The following FSTL5 variants were observed in gnomAD, a reference collection of about 807,000 sequenced individuals.
FSTL5 encodes the protein follistatin like 5.
A neutral mutation model predicts 89.1 loss-of-function variants in FSTL5; 62 were observed. The ratio of observed to expected loss-of-function variants is 0.70; its 90% CI spans 0.57 to 0.86. The LOEUF is 0.86. Among genes scored for constraint, FSTL5 ranks in the 40% least tolerant of loss-of-function variants. FSTL5 has a pLI of 0.00. For synonymous variants in FSTL5, 383 were observed against 346.2 expected, an observed-to-expected ratio of 1.11 and a Z score of -1.18; for missense variants, 1,057 against 1,001.6, an observed-to-expected ratio of 1.06 and a Z score of -0.75.
At position 161,386,390 on chromosome 4, in the gene FSTL5, A is replaced by T. The variant is rs758454101; in HGVS notation, c.1901T>A (p.Met634Lys). 1 of 1,613,730 alleles carries T rather than the reference A, an allele frequency of 6.2e-7. No individual in the cohort carries two copies. The highest frequency in any genetic ancestry group is 1.3e-5 in the African/African-American group (1 of 75,046). The change falls in exon 16 of 16, where the codon ATG becomes AAG. Residue 634 changes from methionine (M) to lysine (K), a missense_variant. Met to Lys is a moderately conservative substitution (Grantham distance 95). This residue lies in a region of FSTL5 where 980 missense variants were observed against 903.2 expected (regional missense o/e 1.08). Transcript: ENST00000306100. Reference protein sequence around the residue: ...AALQKIDLETMSYIKTINLKD... With the variant: ...AALQKIDLETKSYIKTINLKD... ...CAAGTTAATTGTCTTGATGTATGAC[A>T]TGGTTTCAAGATCAATTTTTTGTAG... is the stretch of plus-strand genomic sequence containing the variant.
intron 3 of FSTL5, among the ~76,000 whole-genome samples, chr4:162,001,926 T>C (rs139908786): frequency 2.0e-5 from 3 of 152,292 alleles, no homozygotes; most frequent in Non-Finnish European, 4.4e-5. Flanking sequence ...CAAAGAGTTA[T>C]ACAGAGAAAA....
intron 5 of FSTL5, among the ~76,000 whole-genome samples, chr4:161,761,599 A>C (rs1740807019): frequency 6.6e-6 from 1 of 152,322 alleles, no homozygotes; most frequent in East Asian, 1.9e-4. Context: ...AACTTAATGT[A>C]TTAGACCAAG....
At chr4:161,429,277 C>A in intron 15 of FSTL5, among the ~76,000 whole-genome samples, 1 of 152,164 alleles carries the variant, frequency 6.6e-6, no homozygotes, top group East Asian at 1.9e-4. Context: ...CTGCCCAGGG[C>A]TGGGGGAAAC....
At chr4:161,700,438 C>G (rs957503650) in intron 6 of FSTL5, among the ~76,000 whole-genome samples, 10 of 151,846 alleles carry the variant, frequency 6.6e-5, no homozygotes, top group African/African-American at 2.4e-4. Flanking sequence ...CTTCGTTTTT[C>G]TAGGGGGAGA....
At chr4:161,924,504 G>A (rs1560919602) in intron 3 of FSTL5, among the ~76,000 whole-genome samples, 1 of 151,500 alleles carries the variant, frequency 6.6e-6, no homozygotes, top group East Asian at 1.9e-4. Context: ...GTTGGTATAT[G>A]ATACATAAAA....
intron 2 of FSTL5, among the ~76,000 whole-genome samples, chr4:162,057,588 A>G (rs978537533): frequency 6.6e-6 from 1 of 152,192 alleles, no homozygotes; most frequent in Non-Finnish European, 1.5e-5. Context: ...AAGCATTCCT[A>G]TCATTGCTCT....
At chr4:161,583,860 G>A (rs1016307145) in intron 8 of FSTL5, among the ~76,000 whole-genome samples, 1 of 151,974 alleles carries the variant, frequency 6.6e-6, no homozygotes, top group African/African-American at 2.4e-5. Flanking sequence ...TTTGATCCTT[G>A]GGAACACCAG....
intron 5 of FSTL5, among the ~76,000 whole-genome samples, chr4:161,762,655 T>TA (rs1463562201): frequency 6.6e-6 from 1 of 152,250 alleles, no homozygotes; most frequent in Non-Finnish European, 1.5e-5. Context: ...GATAACAAGA[T>TA]ACCATCTTAT....
chr4:161,864,335 G>A (rs565687910), intron 4 of FSTL5, among the ~76,000 whole-genome samples: 42 of 152,286 alleles, frequency 2.8e-4, no homozygotes, highest in South Asian at 8.3e-4. Context: ...CTTAAAAGCC[G>A]TATGGTTAGA....
intron 6 of FSTL5, among the ~76,000 whole-genome samples, chr4:161,757,994 G>A (rs1423870407): frequency 2.6e-5 from 4 of 152,032 alleles, no homozygotes; most frequent in African/African-American, 2.4e-5. Context: ...ACAGTTTACC[G>A]GATCATCCTG....
At chr4:161,796,066 G>C (rs1185085039) in intron 4 of FSTL5, among the ~76,000 whole-genome samples, 1 of 151,702 alleles carries the variant, frequency 6.6e-6, no homozygotes, top group Non-Finnish European at 1.5e-5. Flanking sequence ...ATTTTCTTGA[G>C]GAAATAGTTT....
intron 13 of FSTL5, among the ~76,000 whole-genome samples, chr4:161,466,133 T>C (rs1229419596): frequency 6.6e-6 from 1 of 152,224 alleles, no homozygotes; most frequent in African/African-American, 2.4e-5. Context: ...TATACACATA[T>C]TGATAAAAGC....
At chr4:161,594,964 C>T (rs1300422722) in intron 7 of FSTL5, among the ~76,000 whole-genome samples, 1 of 151,948 alleles carries the variant, frequency 6.6e-6, no homozygotes, top group Admixed American at 6.6e-5. Context: ...CTAAAATATA[C>T]TGATGTTGAG....
intron 15 of FSTL5, among the ~76,000 whole-genome samples, chr4:161,405,881 T>C (rs1036150412): frequency 2.6e-5 from 4 of 152,192 alleles, no homozygotes; most frequent in Non-Finnish European, 5.9e-5. Context: ...GATGATAGTT[T>C]CAAAGTGCTG....
chr4:161,552,079 C>A (rs1017811745), intron 8 of FSTL5, among the ~76,000 whole-genome samples: 7 of 151,752 alleles, frequency 4.6e-5, no homozygotes, highest in Admixed American at 1.3e-4. Context: ...ATTTTTGCAA[C>A]CTACTCATCT....
intron 5 of FSTL5, among the ~76,000 whole-genome samples, chr4:161,772,689 TCATAGAAGA>T (rs1228191759): frequency 6.6e-6 from 1 of 152,110 alleles, no homozygotes; most frequent in Admixed American, 6.6e-5. Context: ...CTGAAAAACA[TCATAGAAGA>T]CAAAAGCAAA....
intron 4 of FSTL5, among the ~76,000 whole-genome samples, chr4:161,818,570 A>G (rs534478900): frequency 6.6e-6 from 1 of 152,200 alleles, no homozygotes; most frequent in African/African-American, 2.4e-5. Context: ...CCCACAGCCT[A>G]CCTGTCTATA....
chr4:161,778,852 A>G (rs997916467), intron 4 of FSTL5, among the ~76,000 whole-genome samples: 1 of 152,230 alleles, frequency 6.6e-6, no homozygotes, highest in African/African-American at 2.4e-5. Context: ...CTGAGTGCAC[A>G]GGTGTGCATC....
chr4:161,399,679 C>T (rs1272158737), intron 15 of FSTL5, among the ~76,000 whole-genome samples: 2 of 152,002 alleles, frequency 1.3e-5, no homozygotes. Flanking sequence ...TGAACATGGT[C>T]AAGAATACTT....
Sources: gnomAD v4.1 joint callset for allele counts (sites outside exome capture counted in the v4.1 genomes callset) on GRCh38, gnomAD v4.1.1 for gene constraint, gnomAD v4.1.1 regional missense constraint, MANE v1.5 for transcripts, NCBI Gene and HGNC (gene_info 2026-07-23, HGNC 2026-07-21) for gene names.